Variants in SNTG1 observed in about 807,000 individuals in gnomAD.
SNTG1 encodes gamma-1-syntrophin.
SNTG1 carries 39 observed loss-of-function variants against 74.7 expected under a neutral mutation model. That is an observed-to-expected ratio of 0.52 (90% CI 0.40 to 0.68). The LOEUF is 0.68. Ranked by LOEUF, SNTG1 falls within the 30% of genes least tolerant of loss-of-function variation. The pLI, the probability that SNTG1 is intolerant of heterozygous loss-of-function variation, is 0.00. For synonymous variants in SNTG1, 254 were observed against 217.1 expected (o/e 1.17, Z -1.49); for missense variants, 685 against 609.5 (o/e 1.12, Z -1.30).
chr8:50,136,225 T>A (rs1459693884), intron 1 of SNTG1, among the ~76,000 whole-genome samples: 2 of 152,152 alleles, frequency 1.3e-5, no homozygotes, highest in Non-Finnish European at 2.9e-5. Context: ...TATGTGTGCA[T>A]GTGTCTCTAT....
At chr8:50,786,911 G>A (rs1181047814) in intron 18 of SNTG1, among the ~76,000 whole-genome samples, 3 of 151,460 alleles carry the variant, frequency 2.0e-5, no homozygotes, top group South Asian at 4.1e-4. Flanking sequence ...TTAAATTTTT[G>A]TAACCTTGGG....
chr8:50,598,274 T>C (rs1563629235), intron 13 of SNTG1, among the ~76,000 whole-genome samples: 1 of 151,884 alleles, frequency 6.6e-6, no homozygotes, highest in African/African-American at 2.4e-5. Flanking sequence ...TTGTGTGTGG[T>C]GAGAGATAGG....
At chr8:49,969,521 C>A (rs1811464353) in intron 1 of SNTG1, among the ~76,000 whole-genome samples, 1 of 150,590 alleles carries the variant, frequency 6.6e-6, no homozygotes, top group Admixed American at 6.7e-5. Context: ...CTCAGCCTCC[C>A]AAGTAACTGG....
rs778030213 is a variant in SNTG1 at position 50,505,981 on chromosome 8, C to G, written c.466+3101C>G. Among the ~76,000 whole-genome samples the G allele has an allele frequency of 2.0e-5, 3 of 151,942 alleles. No homozygotes were observed. The South Asian group carries it at 6.2e-4, about 31-fold the overall frequency. On this transcript the variant is annotated intron_variant, in intron 9 of 18. Coordinates refer to ENST00000642720, the MANE Select transcript of SNTG1 (RefSeq NM_018967.5). ...TTTTCTGCTAGGATTTTTTACAGCT[C>G]AAATCTAATGTTTAGGTATTTGATT...
intron 2 of SNTG1, among the ~76,000 whole-genome samples, chr8:50,202,791 TTTTG>T (rs973554646): frequency 4.2e-5 from 6 of 143,096 alleles, no homozygotes; most frequent in Admixed American, 2.7e-4. Context: ...TTTCTCTTTG[TTTTG>T]TTTTTTTTTT....
At chr8:50,111,400 T>C (rs1223814584) in intron 1 of SNTG1, among the ~76,000 whole-genome samples, 1 of 145,320 alleles carries the variant, frequency 6.9e-6, no homozygotes, top group African/African-American at 2.6e-5. Flanking sequence ...AAGTATATCC[T>C]CTCTCTGTCT....
chr8:50,598,482 C>G (rs971942598), intron 13 of SNTG1, among the ~76,000 whole-genome samples: 3 of 151,788 alleles, frequency 2.0e-5, no homozygotes, highest in African/African-American at 7.3e-5. Context: ...TTTACTATAT[C>G]TTTGTAGTAT....
intron 8 of SNTG1, among the ~76,000 whole-genome samples, chr8:50,489,436 TTC>T (rs1464525824): frequency 6.6e-6 from 1 of 152,234 alleles, no homozygotes; most frequent in African/African-American, 2.4e-5. Flanking sequence ...CTCCAGCATC[TTC>T]TGTTTCCTGA....
chr8:50,248,270 G>A (rs1162344317), intron 2 of SNTG1, among the ~76,000 whole-genome samples: 1 of 152,046 alleles, frequency 6.6e-6, no homozygotes, highest in Non-Finnish European at 1.5e-5. Flanking sequence ...TAAAAGCATA[G>A]CCCCCAAATC....
chr8:50,256,404 ATATAT>A (rs2086885221), intron 2 of SNTG1, among the ~76,000 whole-genome samples: 1 of 151,724 alleles, frequency 6.6e-6, no homozygotes, highest in Non-Finnish European at 1.5e-5. Context: ...TAATATTAAA[ATATAT>A]TAAATATTTA....
chr8:50,118,153 CTTAAATTT>C (rs2080886217), intron 1 of SNTG1, among the ~76,000 whole-genome samples: 1 of 151,992 alleles, frequency 6.6e-6, no homozygotes, highest in Non-Finnish European at 1.5e-5. Context: ...GTTTATTAAC[CTTAAATTT>C]CCTAGTTGTT....
intron 4 of SNTG1, among the ~76,000 whole-genome samples, chr8:50,420,012 A>G (rs1325446164): frequency 1.3e-5 from 2 of 152,150 alleles, no homozygotes; most frequent in Admixed American, 6.6e-5. Context: ...ACTGAAAAAA[A>G]TAAGAAGTGT....
intron 1 of SNTG1, among the ~76,000 whole-genome samples, chr8:50,004,899 A>G (rs1815070233): frequency 6.6e-6 from 1 of 152,232 alleles, no homozygotes; most frequent in South Asian, 2.1e-4. Flanking sequence ...GAGAAAATGA[A>G]CAAAGTTGGT....
At position 50,484,113 on chromosome 8, in the gene SNTG1, T is replaced by TTTCG. The variant is rs2093764747; in HGVS notation, c.364-18662_364-18661insGTTC. On this transcript the variant is annotated intron_variant, in intron 8 of 18. Transcript: ENST00000642720. The stretch of plus-strand genomic sequence containing the variant: ...CTCTCTTTCTTTCTCTCTTTCTTTC[T>TTTCG]TTCTTTCTTTCTTTCTTTCTTTCCT... 1.7e-4 allele frequency among the ~76,000 whole-genome samples: 18 copies of TTTCG among 108,418 alleles called. 2 individuals are homozygous for TTTCG. The South Asian group carries it at 7.3e-3, about 44-fold the overall frequency. 71.1% of individuals were successfully genotyped at this position (108,418 alleles called of 152,430 possible).
At chr8:50,234,519 T>C (rs934122822) in intron 2 of SNTG1, among the ~76,000 whole-genome samples, 1 of 151,970 alleles carries the variant, frequency 6.6e-6, no homozygotes, top group African/African-American at 2.4e-5. Context: ...ATACACACAC[T>C]TTGTACCAAT....
intron 1 of SNTG1, among the ~76,000 whole-genome samples, chr8:50,034,233 G>A (rs1225248213): frequency 6.6e-6 from 1 of 152,052 alleles, no homozygotes; most frequent in Non-Finnish European, 1.5e-5. Flanking sequence ...TGCCAGAATG[G>A]TTACAAAGCA....
At chr8:50,013,280 G>C (rs983573447) in intron 1 of SNTG1, among the ~76,000 whole-genome samples, 6 of 151,976 alleles carry the variant, frequency 3.9e-5, no homozygotes, top group African/African-American at 1.2e-4. Flanking sequence ...GATTAAGAAG[G>C]ATATCTTAAA....
rs529865145 is a variant in SNTG1 at position 50,586,421 on chromosome 8, G to A, written c.811-4458G>A. ...CTGTCTGACTGCACAGCCTGACAAA[G>A]TCTTATGCAACTACATTTTAGCTCC... On this transcript the variant is annotated intron_variant, in intron 12 of 18. Coordinates refer to ENST00000642720, the MANE Select transcript of SNTG1 (RefSeq NM_018967.5). Among the ~76,000 whole-genome samples, 122 of 152,222 alleles carry A rather than the reference G, an allele frequency of 8.0e-4. 2 individuals are homozygous for A. The highest frequency in any genetic ancestry group is 7.9e-3 in the Admixed American group (120 of 15,280).
chr8:50,087,482 T>C (rs1823003342), intron 1 of SNTG1, among the ~76,000 whole-genome samples: 1 of 152,196 alleles, frequency 6.6e-6, no homozygotes, highest in Non-Finnish European at 1.5e-5. Flanking sequence ...CATGCTAAAA[T>C]GTTCCACCTT....
Sources: allele counts gnomAD v4.1 joint callset (sites outside exome capture counted in the v4.1 genomes callset), GRCh38; gene constraint gnomAD v4.1.1; transcripts MANE v1.5; gene names NCBI Gene and HGNC (gene_info 2026-07-23, HGNC 2026-07-21).